Variants in SYMPK observed in about 807,000 individuals in gnomAD.
SYMPK encodes the protein symplekin.
SYMPK carries 49 observed loss-of-function variants against 136.4 expected under a neutral mutation model. The ratio of observed to expected loss-of-function variants is 0.36; its 90% CI spans 0.29 to 0.46. SYMPK has a LOEUF of 0.46. Ranked by LOEUF, SYMPK falls within the 20% of genes least tolerant of loss-of-function variation. SYMPK has a pLI of 1.00. For missense variants in SYMPK, 1,365 were observed against 1,690.0 expected, an observed-to-expected ratio of 0.81 and a Z score of 3.37; for synonymous variants, 766 against 713.0, an observed-to-expected ratio of 1.07 and a Z score of -1.19.
In SYMPK at chr19:45,860,377, G is replaced by C. The variant is rs138042453; in HGVS notation, c.-13+2681C>G. The stretch of plus-strand genomic sequence containing the variant: ...GGAGGCTGAGGCAGGAGAATCGCTT[G>C]AATTTGGGAGGAGGAGGTTGCAGTG... On this transcript the variant is annotated intron_variant, in intron 1 of 26. Transcript: ENST00000245934. Among the ~76,000 whole-genome samples the C allele has an allele frequency of 3.3e-4, 50 of 151,756 alleles. 1 individual carries two copies. Among genetic ancestry groups the C allele is most frequent in the Admixed American group, 2.8e-3 (43 of 15,206 alleles).
chr19:45,844,197 A>G lies in SYMPK; in HGVS notation c.680T>C (p.Val227Ala), dbSNP rs1056400287. The change falls in exon 8 of 27, where the codon GTG becomes GCG. Residue 227 changes from valine (V) to alanine (A), a missense_variant. Val to Ala is a moderately conservative substitution (Grantham distance 64). This residue lies in a region of SYMPK where 237 missense variants were observed against 292.9 expected (regional missense o/e 0.81). Transcript: ENST00000245934. ...GGCTGCCTTGCCCTCTTCCCATAGC[A>G]CGTCTAAGAGACAGAGAGGAGAACC... ...PRDHPYIQYN[V>A]LWEEGKAALE... is the part of the protein sequence containing the mutation. 5 of 1,596,376 alleles carry G rather than the reference A, an allele frequency of 3.1e-6. No homozygotes were observed. The Admixed American group carries it at 5.2e-5, about 17-fold the overall frequency.
chr19:45,837,946 G>C (rs1971342438), intron 10 of SYMPK, among the ~76,000 whole-genome samples: 1 of 152,138 alleles, frequency 6.6e-6, no homozygotes, highest in African/African-American at 2.4e-5. Context: ...TCCAAAAGGA[G>C]GATGATCAGA....
Position 45,862,385 on chromosome 19 carries a change from G to A in SYMPK, c.-13+673C>T, listed in dbSNP as rs548602454. The A allele has an allele frequency of 5.9e-5, 9 of 152,306 alleles. No individual in the cohort carries two copies. The East Asian group carries it at 1.7e-3, about 29-fold the overall frequency. The allele number at this position is 152,306 out of a possible 1,614,324, so 9.4% of individuals were successfully genotyped here. A position where few individuals can be genotyped will look rare whatever the true frequency, so the allele number is the denominator to read the frequency against. ...ACCCTGTTTCCCCAAACTGGCTCTA[G>A]GAGTATCTTTTATTCCTTCAACGAA... is the stretch of plus-strand genomic sequence containing the variant. On this transcript the variant is annotated intron_variant, in intron 1 of 26. Coordinates refer to ENST00000245934, the MANE Select transcript of SYMPK (RefSeq NM_004819.3).
intron 25 of SYMPK, 140 bp downstream of exon 25, chr19:45,816,342 A>G (rs778496346): frequency 8.0e-7 from 1 of 1,254,590 alleles, no homozygotes; most frequent in Admixed American, 2.8e-5. Flanking sequence ...CAGCAGGAGC[A>G]TCCCCTGGGA....
In SYMPK at chr19:45,826,652, A is replaced by G. The variant is rs376988903; in HGVS notation, c.2182-279T>C. On this transcript the variant is annotated intron_variant, in intron 16 of 26. Coordinates refer to ENST00000245934, the MANE Select transcript of SYMPK (RefSeq NM_004819.3). ...GCTCCAAGCAGAGGGAGAGCTCCTC[A>G]GTTCCTTAAAAGTGCCACTCCCTGC... Among the ~76,000 whole-genome samples the G allele has an allele frequency of 2.0e-5, 3 of 152,176 alleles. No homozygotes were observed. In the South Asian group the frequency reaches 6.2e-4, roughly 31 times the overall value.
rs1031104841 is a variant in SYMPK, at chr19:45,821,409, C to T, written c.2868G>A (p.Lys956=). 9.9e-6 allele frequency: 16 copies of T among 1,613,964 alleles called. No homozygotes were observed. The highest frequency in any genetic ancestry group is 1.3e-5 in the Non-Finnish European group (15 of 1,180,008). Residue 956 remains lysine, a synonymous_variant, in exon 22 of 27, where the codon AAG becomes AAA. Coordinates refer to ENST00000245934, the MANE Select transcript of SYMPK (RefSeq NM_004819.3). This position sits in a 1 kb window ranked among gnomAD's most constrained non-coding sequence, Gnocchi z 4.4. The stretch of plus-strand genomic sequence containing the variant: ...CTTTGATGATGGATTTCATGTCGCA[C>T]TTCACGGAGTCAATGTTGTGTAATG... The part of the protein sequence containing the change: ...LIALHNIDSV[K]CDMKSIIKAT...
chr19:45,826,321 A>T lies in SYMPK; in HGVS notation c.2234T>A (p.Leu745Gln), dbSNP rs1181926061. Residue 745 changes from leucine to glutamine, a missense_variant, in exon 17 of 27, where the codon CTG becomes CAG. Physicochemically the swap from Leu to Gln is moderately radical, Grantham distance 113 (BLOSUM62 -2). Around this residue, in one of 11 missense-constraint regions of SYMPK, gnomAD observed 303 missense variants for 326.6 expected, o/e 0.93. Transcript: ENST00000245934. Reference sequence around the variant, plus strand: ...GGCAAATTTCTCCACATACTCCCGCAGCTGCTCCTTCTCATACATGCGTTT... The same window carrying T: ...GGCAAATTTCTCCACATACTCCCGCTGCTGCTCCTTCTCATACATGCGTTT... Reference protein sequence around the residue: ...FIKRMYEKEQLREYVEKFALN... With the variant: ...FIKRMYEKEQQREYVEKFALN... The T allele has an allele frequency of 1.2e-6, 2 of 1,614,168 alleles. No homozygotes were observed. Among genetic ancestry groups the T allele is most frequent in the Non-Finnish European group, 1.7e-6 (2 of 1,180,026 alleles).
chr19:45,830,409 G>T (rs1600504441), intron 12 of SYMPK: 2 of 582,546 alleles, frequency 3.4e-6, no homozygotes, highest in East Asian at 2.9e-5. Context: ...TTTGCAGAGG[G>T]CGTCTTACGG....
rs1971469012 is a variant in SYMPK, at chr19:45,842,620, C to A, written c.848-131G>T. 2.3e-6 allele frequency: 3 copies of A among 1,323,892 alleles called. No homozygotes were observed. The African/African-American group carries it at 4.4e-5, about 19-fold the overall frequency. 82.0% of individuals were successfully genotyped at this position (1,323,892 alleles called of 1,614,324 possible). On this transcript the variant is annotated intron_variant, in intron 8 of 26. Coordinates refer to ENST00000245934, the MANE Select transcript of SYMPK (RefSeq NM_004819.3). Reference sequence around the variant, plus strand: ...TAGAAAAGTTCCTTCACCCTCAGATCTAACGTGTGGCTTTCCGCCTTACAA... The same window carrying A: ...TAGAAAAGTTCCTTCACCCTCAGATATAACGTGTGGCTTTCCGCCTTACAA...
chr19:45,860,431 G>C (rs113480080), intron 1 of SYMPK, among the ~76,000 whole-genome samples: 35,136 of 150,388 alleles, frequency 0.23, 4,263 homozygotes, highest in South Asian at 0.26. Flanking sequence ...GCACTCCAGC[G>C]TGGGCAACAA....
chr19:45,824,177 T>C (rs983255733), intron 18 of SYMPK: 2 of 311,838 alleles, frequency 6.4e-6, no homozygotes, highest in South Asian at 7.6e-5. Context: ...TGTGCTTCGT[T>C]CACTGGTGAA....
chr19:45,827,688 C>T, intron 15 of SYMPK, 65 bp from the exon 16 acceptor site: 1 of 1,524,430 alleles, frequency 6.6e-7, no homozygotes, highest in South Asian at 1.1e-5. Flanking sequence ...TCTGTCTTTC[C>T]TGCCTGCCTC....
At chr19:45,827,957 G>A (rs747120113) in intron 14 of SYMPK, 39 bp from the exon 15 acceptor site, 1 of 1,598,792 alleles carries the variant, frequency 6.3e-7, no homozygotes, top group African/African-American at 1.3e-5. Context: ...TGCAGAGGAA[G>A]AGGCCGCCTG....
At chr19:45,834,458 CAAAAAA>C (rs55898165) in intron 11 of SYMPK, among the ~76,000 whole-genome samples, 120 of 82,080 alleles carry the variant, frequency 1.5e-3, no homozygotes, top group African/African-American at 5.3e-3. Flanking sequence ...GACTTTGTCT[CAAAAAA>C]AAAAAAAAAG....
At chr19:45,824,782 AGTCCCGTTAG>A (rs1293005509) in intron 18 of SYMPK, among the ~76,000 whole-genome samples, 1 of 152,208 alleles carries the variant, frequency 6.6e-6, no homozygotes, top group East Asian at 1.9e-4. Context: ...ACAGCTAAAG[AGTCCCGTTAG>A]CAACACTGGG....
intron 25 of SYMPK, 39 bp from the exon 26 acceptor site, chr19:45,816,222 G>T: frequency 1.4e-6 from 2 of 1,400,944 alleles, no homozygotes; most frequent in Non-Finnish European, 1.9e-6. Flanking sequence ...TCAGAGGTGG[G>T]TGGCTCAGAG....
At chr19:45,861,666 G>C (rs1568630669) in intron 1 of SYMPK, among the ~76,000 whole-genome samples, 1 of 151,884 alleles carries the variant, frequency 6.6e-6, no homozygotes, top group Non-Finnish European at 1.5e-5. Flanking sequence ...GAACCTGGAA[G>C]GCAGAGGTTG....
chr19:45,847,974 C>T lies in SYMPK; in HGVS notation c.454G>A (p.Glu152Lys), dbSNP rs777396319. 1 of 1,599,846 alleles carries T rather than the reference C, an allele frequency of 6.3e-7. No individual in the cohort carries two copies. Among genetic ancestry groups the T allele is most frequent in the Non-Finnish European group, 8.5e-7 (1 of 1,169,838 alleles). The change falls in exon 7 of 27, where the codon GAG becomes AAG. Residue 152 changes from glutamate (E) to lysine (K), a missense_variant. By Grantham distance (56) the Glu-to-Lys change is moderately conservative (BLOSUM62 1). Around this residue, in one of 11 missense-constraint regions of SYMPK, gnomAD observed 237 missense variants for 292.9 expected, o/e 0.81. Transcript: ENST00000245934. ...QWMVKSRVIS[E>K]LQEACWDMVS... ...ATGTCCCAGCAGGCCTCCTGTAGCT[C>T]GCTAATGACCCGTGACTTTACCATC...
intron 22 of SYMPK, chr19:45,820,548 G>C (rs2146300789): frequency 1.3e-5 from 2 of 152,642 alleles, no homozygotes; most frequent in African/African-American, 4.8e-5. Context: ...AGAAATCAAA[G>C]GACAGCAGTC....
Sources: gnomAD v4.1 joint callset for allele counts (sites outside exome capture counted in the v4.1 genomes callset) on GRCh38, gnomAD v4.1.1 for gene constraint, gnomAD v4.1.1 regional missense constraint, Gnocchi (gnomAD v3.1) non-coding constraint, MANE v1.5 for transcripts, NCBI Gene and HGNC (gene_info 2026-07-23, HGNC 2026-07-21) for gene names.